Variants in GPSM2 observed in about 807,000 individuals in gnomAD.
GPSM2 encodes the protein G protein signaling modulator 2, also known as G protein-signaling modulator 2.
GPSM2 carries 58 observed loss-of-function variants against 78.4 expected under a neutral mutation model. That is an observed-to-expected ratio of 0.74 (90% CI 0.60 to 0.92). The LOEUF is 0.92. Ranked by LOEUF, GPSM2 falls within the 40% of genes least tolerant of loss-of-function variation. GPSM2 has a pLI of 0.00. For synonymous variants in GPSM2, 224 were observed against 280.2 expected (o/e 0.80, Z 2.00); for missense variants, 700 against 815.5 (o/e 0.86, Z 1.73).
chr1:108,893,623 G>A (rs1022290638), intron 2 of GPSM2, among the ~76,000 whole-genome samples: 1 of 151,866 alleles, frequency 6.6e-6, no homozygotes, highest in Non-Finnish European at 1.5e-5. Context: ...CTTTTTGTAG[G>A]AAAAGAATTA....
intron 14 of GPSM2, among the ~76,000 whole-genome samples, chr1:108,928,293 G>A (rs1171141854): frequency 2.0e-5 from 3 of 152,234 alleles, no homozygotes; most frequent in African/African-American, 7.2e-5. Context: ...GACCATGGGA[G>A]CCAAATGGCT....
intron 10 of GPSM2, among the ~76,000 whole-genome samples, chr1:108,910,809 G>A (rs1649671699): frequency 6.6e-6 from 1 of 151,554 alleles, no homozygotes; most frequent in Non-Finnish European, 1.5e-5. Flanking sequence ...GTTGCAGTGA[G>A]CCGAGATAGC....
In GPSM2 at chr1:108,931,239, AC is replaced by A. The variant is rs2101587238; in HGVS notation, c.*1300del. The A allele has an allele frequency of 7.1e-7, 1 of 1,408,930 alleles. No individual in the cohort carries two copies. Among genetic ancestry groups the A allele is most frequent in the East Asian group, 2.5e-5 (1 of 39,772 alleles). 87.3% of individuals were successfully genotyped at this position (1,408,930 alleles called of 1,614,324 possible). ...ACAAACAGAAAACAGATGAAAACTC[AC>A]AAAAATTAAATATGAAAGAAAGATG... is the stretch of plus-strand genomic sequence containing the variant. On this transcript the variant is annotated 3_prime_UTR_variant, in exon 15 of 15. Transcript: ENST00000264126.
intron 10 of GPSM2, among the ~76,000 whole-genome samples, chr1:108,908,728 A>G (rs10524102): frequency 7.4e-5 from 11 of 148,354 alleles, no homozygotes; most frequent in African/African-American, 2.9e-4. Context: ...TCAAAACACA[A>G]ACACACACAC....
intron 11 of GPSM2, among the ~76,000 whole-genome samples, chr1:108,914,686 G>A (rs1650046564): frequency 6.6e-6 from 1 of 152,190 alleles, no homozygotes. Context: ...TTTCTTCTGG[G>A]AAGAGGACTG....
At position 108,896,928 on chromosome 1, in the gene GPSM2, C is replaced by T. The variant is rs762581956; in HGVS notation, c.121C>T (p.Arg41Cys). ...ACGTCTATGTAAATCAGGAGACTGC[C>T]GCGCTGGCGTGTCATTCTTTGAAGC... ...GERLCKSGDC[R>C]AGVSFFEAAV... Residue 41 changes from arginine (R) to cysteine (C), a missense_variant, in exon 3 of 15, where the codon CGC (arginine) becomes TGC (cysteine). Physicochemically the swap from Arg to Cys is radical, Grantham distance 180. Coordinates refer to ENST00000264126, the MANE Select transcript of GPSM2 (RefSeq NM_013296.5). The T allele has an allele frequency of 2.0e-5, 32 of 1,614,108 alleles. No homozygotes were observed. Among genetic ancestry groups the T allele is most frequent in the Non-Finnish European group, 2.5e-5 (29 of 1,179,966 alleles).
At chr1:108,885,712 T>G in intron 2 of GPSM2, 134 bp downstream of exon 2, 1 of 675,274 alleles carries the variant, frequency 1.5e-6, no homozygotes, top group South Asian at 1.8e-5. Context: ...GACAATATTT[T>G]CTTTTTGTTG....
intron 2 of GPSM2, among the ~76,000 whole-genome samples, chr1:108,886,190 T>C (rs1647541909): frequency 6.6e-6 from 1 of 152,188 alleles, no homozygotes; most frequent in South Asian, 2.1e-4. Flanking sequence ...CCACTGCACC[T>C]GGCTTTTTAT....
rs982085014 is a variant in GPSM2, at chr1:108,896,978, C to T, written c.171C>T (p.Asp57=). ...FEAAVQVGTE[D]LKTLSAIYSQ... ...CTGCAGTTCAAGTTGGAACTGAAGA[C>T]CTAAAAACACTTAGCGCTATTTACA... Residue 57 remains aspartate (D), a synonymous_variant, in exon 3 of 15, where the codon GAC becomes GAT. Coordinates refer to ENST00000264126, the MANE Select transcript of GPSM2 (RefSeq NM_013296.5). 10 of 1,613,722 alleles carry T rather than the reference C, an allele frequency of 6.2e-6. No individual in the cohort carries two copies. Among genetic ancestry groups the T allele is most frequent in the Non-Finnish European group, 8.5e-6 (10 of 1,179,754 alleles).
chr1:108,902,422 G>A (rs1648896644), intron 8 of GPSM2, among the ~76,000 whole-genome samples: 1 of 151,956 alleles, frequency 6.6e-6, no homozygotes, highest in African/African-American at 2.4e-5. Context: ...ATAAGTGTGG[G>A]AATTGTGGTG....
At chr1:108,928,786 C>G (rs540210819) in intron 14 of GPSM2, among the ~76,000 whole-genome samples, 1 of 151,978 alleles carries the variant, frequency 6.6e-6, no homozygotes, top group African/African-American at 2.4e-5. Context: ...GTCAAGAGTT[C>G]GAGACCAGCC....
Position 108,931,561 on chromosome 1 carries a change from C to CTATT in GPSM2, c.*1623_*1626dup. 1 of 1,456,452 alleles carries CTATT rather than the reference C, an allele frequency of 6.9e-7. No individual in the cohort carries two copies. Among genetic ancestry groups the CTATT allele is most frequent in the Non-Finnish European group, 9.1e-7 (1 of 1,095,130 alleles). 90.2% of individuals were successfully genotyped at this position (1,456,452 alleles called of 1,614,324 possible). A position where few individuals can be genotyped will look rare whatever the true frequency, so the allele number is the denominator to read the frequency against. The stretch of plus-strand genomic sequence containing the variant: ...AGGTGATTTGGATGGGCAAATAGAA[C>CTATT]TATTTCTCTAATGGCCAATGTTTTT... On this transcript the variant is annotated 3_prime_UTR_variant, in exon 15 of 15. Transcript: ENST00000264126.
intron 1 of GPSM2, among the ~76,000 whole-genome samples, chr1:108,881,412 T>C (rs1665895778): frequency 1.3e-5 from 2 of 152,358 alleles, no homozygotes; most frequent in South Asian, 4.1e-4. Flanking sequence ...ATCCTAATGA[T>C]CAAATTTGTA....
chr1:108,881,935 C>T (rs891477005), intron 1 of GPSM2, among the ~76,000 whole-genome samples: 40 of 152,226 alleles, frequency 2.6e-4, no homozygotes, highest in African/African-American at 9.6e-4. Flanking sequence ...ATTAAGAACT[C>T]ATGGATGAGA....
In GPSM2 at chr1:108,898,971, T is replaced by G. The variant is rs747975036; in HGVS notation, c.774T>G (p.Phe258Leu). The G allele has an allele frequency of 1.3e-6, 2 of 1,592,718 alleles. No homozygotes were observed. The highest frequency in any genetic ancestry group is 8.6e-7 in the Non-Finnish European group (1 of 1,160,698). ...ATGCATATATATTTCTTGGTGAATT[T>G]GAAACTGCCTCGGAATACTACAAGT... is the stretch of plus-strand genomic sequence containing the variant. ...LGNAYIFLGEFETASEYYKKT... is the reference protein window; with the variant it reads ...LGNAYIFLGELETASEYYKKT... Residue 258 changes from phenylalanine to leucine, a missense_variant, in exon 7 of 15, where the codon TTT (phenylalanine) becomes TTG (leucine). Phe to Leu is a conservative substitution (Grantham distance 22). Transcript: ENST00000264126.
intron 11 of GPSM2, among the ~76,000 whole-genome samples, chr1:108,917,665 T>TATATATATATAA (rs1311153289): frequency 2.7e-5 from 3 of 110,432 alleles, no homozygotes; most frequent in Admixed American, 1.1e-4. Context: ...TATATATATA[T>TATATATATATAA]AAATGAGTTC....
At chr1:108,879,282 C>T (rs1164331823) in intron 1 of GPSM2, among the ~76,000 whole-genome samples, 8 of 152,246 alleles carry the variant, frequency 5.3e-5, no homozygotes, top group East Asian at 1.9e-4. Context: ...TCTTTGGCCT[C>T]GTCATAATTC....
intron 2 of GPSM2, 62 bp from the exon 3 acceptor site, chr1:108,896,802 T>A: frequency 7.8e-7 from 1 of 1,284,796 alleles, no homozygotes. Flanking sequence ...TACGGGAAGT[T>A]AAAAATACTG....
In GPSM2 at chr1:108,901,783, C is replaced by G; in HGVS notation, c.798-7C>G. ...ATCATTATATAAGAATTAATTTCTT[C>G]TTGTAGGAAGACACTACTGTTGGCC... On this transcript the variant is annotated splice_polypyrimidine_tract_variant and splice_region_variant and intron_variant, in intron 7 of 14. Coordinates refer to ENST00000264126, the MANE Select transcript of GPSM2 (RefSeq NM_013296.5). 6.2e-7 allele frequency: 1 copy of G among 1,603,386 alleles called. No homozygotes were observed. The highest frequency in any genetic ancestry group is 1.1e-5 in the South Asian group (1 of 90,868).
Sources: allele counts gnomAD v4.1 joint callset (sites outside exome capture counted in the v4.1 genomes callset), GRCh38; gene constraint gnomAD v4.1.1; transcripts MANE v1.5; gene names NCBI Gene and HGNC (gene_info 2026-07-23, HGNC 2026-07-21).